TAFA2: variants seen among roughly 807,000 people sequenced by gnomAD.
TAFA2 encodes the protein chemokine-like protein TAFA-2.
A neutral mutation model predicts 18.8 loss-of-function variants in TAFA2; 7 were observed. That is an observed-to-expected ratio of 0.37 (90% CI 0.21 to 0.70). TAFA2 has a LOEUF of 0.70. Among genes scored for constraint, TAFA2 ranks in the 30% least tolerant of loss-of-function variants. The probability of loss-of-function intolerance (pLI) is 0.53; values close to 1 mark genes in which losing one functional copy is unlikely to be tolerated. For synonymous variants in TAFA2, 60 were observed against 54.2 expected (o/e 1.11, Z -0.47); for missense variants, 122 against 158.1 (o/e 0.77, Z 1.23).
chr12:62,105,630 C>G (rs527884046), intron 1 of TAFA2, among the ~76,000 whole-genome samples: 1 of 152,110 alleles, frequency 6.6e-6, no homozygotes. Flanking sequence ...CATGTTAGAA[C>G]TTATTTAGCT....
intron 1 of TAFA2, among the ~76,000 whole-genome samples, chr12:62,213,080 G>A (rs990376585): frequency 1.3e-5 from 2 of 152,074 alleles, no homozygotes; most frequent in Non-Finnish European, 2.9e-5. Flanking sequence ...ATTCATACCC[G>A]GGAGCCACTA....
At chr12:62,166,610 A>C (rs2062442010) in intron 1 of TAFA2, among the ~76,000 whole-genome samples, 1 of 151,914 alleles carries the variant, frequency 6.6e-6, no homozygotes, top group African/African-American at 2.4e-5. Context: ...AACTTGACAA[A>C]CTGCAAGGAT....
intron 2 of TAFA2, among the ~76,000 whole-genome samples, chr12:61,831,418 T>C (rs1305061473): frequency 2.6e-5 from 4 of 152,024 alleles, no homozygotes; most frequent in Non-Finnish European, 5.9e-5. Context: ...AAATCCTATA[T>C]CTAACCCCAA....
intron 1 of TAFA2, among the ~76,000 whole-genome samples, chr12:61,974,020 TTA>T (rs547113736): frequency 2.3e-3 from 345 of 151,884 alleles, no homozygotes; most frequent in Non-Finnish European, 3.6e-3. Context: ...GGAATGTGTA[TTA>T]TGTTATGTAA....
intron 2 of TAFA2, among the ~76,000 whole-genome samples, chr12:61,803,348 G>A (rs1871472489): frequency 6.6e-6 from 1 of 151,738 alleles, no homozygotes; most frequent in South Asian, 2.1e-4. Flanking sequence ...ATCATTGATG[G>A]CAATGTTATA....
At chr12:61,732,997 CA>C (rs1565754502) in intron 4 of TAFA2, among the ~76,000 whole-genome samples, 1 of 151,898 alleles carries the variant, frequency 6.6e-6, no homozygotes. Flanking sequence ...TAATGAAATC[CA>C]AGAGAAATTG....
intron 2 of TAFA2, among the ~76,000 whole-genome samples, chr12:61,859,867 A>G (rs1874057444): frequency 6.6e-6 from 1 of 152,220 alleles, no homozygotes; most frequent in African/African-American, 2.4e-5. Context: ...CTGGTTGATA[A>G]TTGCACACTA....
chr12:61,841,843 T>C (rs914560316), intron 2 of TAFA2, among the ~76,000 whole-genome samples: 12 of 152,084 alleles, frequency 7.9e-5, no homozygotes, highest in African/African-American at 2.9e-4. Flanking sequence ...TCACATTGTA[T>C]CACATAAATA....
intron 1 of TAFA2, among the ~76,000 whole-genome samples, chr12:62,149,570 T>TTATA (rs916645902): frequency 1.4e-5 from 2 of 147,592 alleles, no homozygotes; most frequent in South Asian, 2.1e-4. Flanking sequence ...TATATTCTAT[T>TTATA]TATATATATA....
At chr12:61,982,439 T>TA (rs1202390600) in intron 1 of TAFA2, among the ~76,000 whole-genome samples, 3 of 151,804 alleles carry the variant, frequency 2.0e-5, no homozygotes, top group South Asian at 2.1e-4. Context: ...AAAGTATAAT[T>TA]AAAAAAAAGA....
intron 1 of TAFA2, among the ~76,000 whole-genome samples, chr12:62,133,569 G>A (rs1325089473): frequency 6.6e-6 from 1 of 152,034 alleles, no homozygotes; most frequent in Non-Finnish European, 1.5e-5. Context: ...TGAGCAAACA[G>A]TTCCGTTAAA....
At chr12:61,894,684 T>C (rs1404852804) in intron 1 of TAFA2, among the ~76,000 whole-genome samples, 1 of 152,240 alleles carries the variant, frequency 6.6e-6, no homozygotes, top group Non-Finnish European at 1.5e-5. Context: ...GATAGTGTGG[T>C]AAACAGAATT....
At chr12:61,729,065 G>A (rs574848866) in intron 4 of TAFA2, among the ~76,000 whole-genome samples, 39 of 151,318 alleles carry the variant, frequency 2.6e-4, no homozygotes, top group Middle Eastern at 3.4e-3. Context: ...GCTAAAAATA[G>A]CACCCCAATC....
chr12:61,751,658 C>T (rs1364488284), intron 4 of TAFA2, among the ~76,000 whole-genome samples: 1 of 151,988 alleles, frequency 6.6e-6, no homozygotes, highest in Non-Finnish European at 1.5e-5. Flanking sequence ...ATAGAAAGTG[C>T]TATCCTCTAT....
chr12:61,879,814 G>A, intron 1 of TAFA2: 1 of 1,468,328 alleles, frequency 6.8e-7, no homozygotes, highest in East Asian at 2.3e-5. Context: ...TGGAGGCAGA[G>A]CTTGGCAACA....
intron 1 of TAFA2, among the ~76,000 whole-genome samples, chr12:62,245,990 C>CTTT (rs376867882): frequency 6.4e-5 from 9 of 140,674 alleles, no homozygotes; most frequent in African/African-American, 2.1e-4. Context: ...ATTGTTATTC[C>CTTT]TTTTTTTTTT....
chr12:61,895,815 G>A (rs1177200948), intron 1 of TAFA2, among the ~76,000 whole-genome samples: 1 of 151,962 alleles, frequency 6.6e-6, no homozygotes, highest in African/African-American at 2.4e-5. Context: ...ATGAAAAAAT[G>A]AAGGCATCCA....
chr12:61,955,786 G>A (rs1455065149), intron 1 of TAFA2, among the ~76,000 whole-genome samples: 1 of 150,540 alleles, frequency 6.6e-6, no homozygotes, highest in African/African-American at 2.4e-5. Flanking sequence ...TTAATTTAAT[G>A]TACATGGTTT....
chr12:61,828,040 C>T (rs1592416307), intron 2 of TAFA2, among the ~76,000 whole-genome samples: 1 of 151,910 alleles, frequency 6.6e-6, no homozygotes, highest in Admixed American at 6.6e-5. Flanking sequence ...ACCTCAGTAA[C>T]ATTTGCCACA....
Sources: allele counts gnomAD v4.1 joint callset (sites outside exome capture counted in the v4.1 genomes callset), GRCh38; gene constraint gnomAD v4.1.1; transcripts MANE v1.5; gene names NCBI Gene and HGNC (gene_info 2026-07-23, HGNC 2026-07-21).